The following DOP1B variants were observed in gnomAD, a reference collection of about 807,000 sequenced individuals.
DOP1B encodes the protein DOP1 leucine zipper like protein B, also known as protein DOP1B.
In DOP1B, 174 loss-of-function variants were observed where a neutral mutation model predicts 233.5. The ratio of observed to expected loss-of-function variants is 0.75; its 90% CI spans 0.66 to 0.85. DOP1B has a LOEUF of 0.85. Ranked by LOEUF, DOP1B falls within the 40% of genes least tolerant of loss-of-function variation. The pLI, the probability that DOP1B is intolerant of heterozygous loss-of-function variation, is 0.00. For synonymous variants in DOP1B, 1,190 were observed against 1,185.6 expected (o/e 1.00, Z -0.08); for missense variants, 2,652 against 2,846.6 (o/e 0.93, Z 1.56).
chr21:36,258,539 C>CT (rs34212044), intron 23 of DOP1B, among the ~76,000 whole-genome samples: 3 of 152,012 alleles, frequency 2.0e-5, no homozygotes, highest in Admixed American at 6.6e-5. Flanking sequence ...AATCGGAAGA[C>CT]TTTTTTTTCA....
intron 15 of DOP1B, among the ~76,000 whole-genome samples, chr21:36,235,865 G>T (rs1473763170): frequency 6.9e-6 from 1 of 145,264 alleles, no homozygotes; most frequent in Admixed American, 6.9e-5. Flanking sequence ...AAGGAAGTCG[G>T]GGGGGGGGCG....
Position 36,268,606 on chromosome 21 carries a change from A to G in DOP1B, c.5488-1407A>G, listed in dbSNP as rs551917280. ...TTACAAAAGTATTATTTGGGAACTG[A>G]TAAATGTCCATATTAAAATGAAATC... On this transcript the variant is annotated intron_variant, in intron 26 of 36. Coordinates refer to ENST00000691173, the MANE Select transcript of DOP1B (RefSeq NM_001320714.2). Among the ~76,000 whole-genome samples the G allele has an allele frequency of 1.6e-3, 242 of 152,366 alleles. 2 individuals carry two copies. Among genetic ancestry groups the G allele is most frequent in the Middle Eastern group, 3.4e-3 (1 of 294 alleles).
chr21:36,267,705 T>C (rs1463795387), intron 26 of DOP1B, among the ~76,000 whole-genome samples: 1 of 150,596 alleles, frequency 6.6e-6, no homozygotes, highest in South Asian at 2.1e-4. Context: ...GTAGGTTCTT[T>C]CTATTTTCCG....
chr21:36,211,988 AG>A lies in DOP1B; in HGVS notation c.796del (p.Ala266ProfsTer21). The A allele has an allele frequency of 9.9e-6, 16 of 1,613,988 alleles. No homozygotes were observed. The highest frequency in any genetic ancestry group is 1.4e-5 in the Non-Finnish European group (16 of 1,180,000). On this transcript the variant is annotated frameshift_variant, in exon 7 of 37. Coordinates refer to ENST00000691173, the MANE Select transcript of DOP1B (RefSeq NM_001320714.2). LOFTEE classifies it high-confidence loss of function. ...CCTTCTAATAGGATTCCAATGAGAG[AG>A]CCATCCCCCTCCTCAGATCTGACAT... Reference protein sequence around the residue: ...FYTCLDSNERAIPLLRSDIVR... With the variant: ...FYTCLDSNERXIPLLRSDIVR...
intron 15 of DOP1B, among the ~76,000 whole-genome samples, chr21:36,234,346 G>A (rs1344650660): frequency 6.6e-6 from 1 of 151,978 alleles, no homozygotes; most frequent in Non-Finnish European, 1.5e-5. Context: ...TAGGCACAGG[G>A]GAGAAAAAAG....
intron 2 of DOP1B, among the ~76,000 whole-genome samples, chr21:36,195,913 T>G (rs1480094733): frequency 1.3e-5 from 2 of 152,220 alleles, no homozygotes; most frequent in Non-Finnish European, 2.9e-5. Flanking sequence ...GTTTCCATAA[T>G]CTTAGAGGCA....
intron 26 of DOP1B, among the ~76,000 whole-genome samples, chr21:36,266,600 T>G (rs2067233211): frequency 6.6e-6 from 1 of 152,156 alleles, no homozygotes; most frequent in African/African-American, 2.4e-5. Context: ...CTCCACATGT[T>G]TAGCCATCCA....
At chr21:36,280,377 C>T (rs372048975) in intron 31 of DOP1B, 31 bp downstream of exon 31, 8 of 1,494,858 alleles carry the variant, frequency 5.4e-6, no homozygotes, top group South Asian at 1.2e-5. Flanking sequence ...GCATAACTCA[C>T]ACTTGATAGG....
chr21:36,166,082 C>T (rs2065909092), intron 2 of DOP1B, among the ~76,000 whole-genome samples: 1 of 151,522 alleles, frequency 6.6e-6, no homozygotes, highest in Non-Finnish European at 1.5e-5. Context: ...TCTACAGTTT[C>T]ATCCTGAAAC....
intron 27 of DOP1B, among the ~76,000 whole-genome samples, chr21:36,272,184 C>T (rs1197796724): frequency 6.6e-6 from 1 of 151,468 alleles, no homozygotes; most frequent in Admixed American, 6.6e-5. Flanking sequence ...TTCATTATTA[C>T]TTCTACGAAA....
In DOP1B at chr21:36,277,052, A is replaced by G; in HGVS notation, c.5664A>G (p.Ser1888=). The G allele has an allele frequency of 6.2e-7, 1 of 1,614,134 alleles. No homozygotes were observed. The highest frequency in any genetic ancestry group is 8.5e-7 in the Non-Finnish European group (1 of 1,180,020). The part of the protein sequence containing the change: ...DAAAASAMVS[S]SAPSVYSVQA... ...CTGCAGCTTCAGCAATGGTGTCTTC[A>G]TCCGCCCCGTCGGTGTACAGCGTGC... Residue 1888 remains serine, a synonymous_variant, in exon 28 of 37, where the codon TCA becomes TCG. Transcript: ENST00000691173.
rs542829452 is a variant in DOP1B at position 36,270,683 on chromosome 21, G to T, written c.5632+526G>T. On this transcript the variant is annotated intron_variant, in intron 27 of 36. Transcript: ENST00000691173. ...AATCCCAGCAGTTTGGGAGGCCGAG[G>T]TGGGTGGATCACCTGAGGTCAGGAG... 6.7e-4 allele frequency among the ~76,000 whole-genome samples: 102 copies of T among 151,622 alleles called. 1 individual carries two copies. Among genetic ancestry groups the T allele is most frequent in the Admixed American group, 5.2e-3 (79 of 15,232 alleles).
At chr21:36,197,474 T>C (rs528919987) in intron 2 of DOP1B, among the ~76,000 whole-genome samples, 2 of 152,204 alleles carry the variant, frequency 1.3e-5, no homozygotes, top group East Asian at 1.9e-4. Flanking sequence ...ATTGCACATG[T>C]CTTAGATGCT....
At chr21:36,253,439 G>A (rs966336387) in intron 22 of DOP1B, among the ~76,000 whole-genome samples, 4 of 152,114 alleles carry the variant, frequency 2.6e-5, no homozygotes, top group East Asian at 3.9e-4. Flanking sequence ...GGCCGGGCGC[G>A]GTGGCGGCTC....
intron 32 of DOP1B, among the ~76,000 whole-genome samples, chr21:36,285,385 C>T (rs147559372): frequency 1.5e-4 from 23 of 152,214 alleles, no homozygotes; most frequent in Non-Finnish European, 2.4e-4. Flanking sequence ...TAAATAAATA[C>T]GCTTCGTTTT....
chr21:36,234,329 CTATA>C (rs2066802304), intron 15 of DOP1B, among the ~76,000 whole-genome samples: 1 of 152,032 alleles, frequency 6.6e-6, no homozygotes, highest in Non-Finnish European at 1.5e-5. Flanking sequence ...CATATTTACA[CTATA>C]TATAGGCACA....
chr21:36,176,121 T>TGTGTGTGG (rs962494737), intron 2 of DOP1B, among the ~76,000 whole-genome samples: 1 of 151,882 alleles, frequency 6.6e-6, no homozygotes, highest in Admixed American at 6.6e-5. Flanking sequence ...TGTGTGTGTG[T>TGTGTGTGG]GGTGATACAG....
At chr21:36,212,240 G>T in intron 7 of DOP1B, 143 bp downstream of exon 7, 1 of 891,974 alleles carries the variant, frequency 1.1e-6, no homozygotes, top group Non-Finnish European at 1.5e-6. Flanking sequence ...ATATGGCACT[G>T]GTCAGTTGAG....
intron 18 of DOP1B, among the ~76,000 whole-genome samples, chr21:36,242,136 C>G (rs1257536805): frequency 7.2e-6 from 1 of 139,488 alleles, no homozygotes; most frequent in Non-Finnish European, 1.6e-5. Context: ...AGCTCTATCT[C>G]CACAGTTCCT....
Sources: gnomAD v4.1 joint callset for allele counts (sites outside exome capture counted in the v4.1 genomes callset) on GRCh38, gnomAD v4.1.1 for gene constraint, MANE v1.5 for transcripts, NCBI Gene and HGNC (gene_info 2026-07-23, HGNC 2026-07-21) for gene names.